GLRX: variants seen among roughly 807,000 people sequenced by gnomAD.
The protein encoded by GLRX is glutaredoxin-1.
A neutral mutation model predicts 11.1 loss-of-function variants in GLRX; 9 were observed. The observed-to-expected ratio is 0.81, with a 90% CI of 0.49 to 1.42. GLRX has a LOEUF of 1.42. Among genes scored for constraint, GLRX ranks in the 40% most tolerant of loss-of-function variants. The pLI is 0.00. For synonymous variants in GLRX, 49 were observed against 49.5 expected (o/e 0.99, Z 0.04); for missense variants, 102 against 126.2 (o/e 0.81, Z 0.92).
chr5:95,821,695 G>C (rs1055466061), intron 1 of GLRX, among the ~76,000 whole-genome samples: 1 of 152,214 alleles, frequency 6.6e-6, no homozygotes, highest in African/African-American at 2.4e-5. Context: ...AGGACGCAAA[G>C]CCAAGGATGC....
chr5:95,816,937 G>C (rs147714981), intron 1 of GLRX: 2 of 227,070 alleles, frequency 8.8e-6, no homozygotes, highest in African/African-American at 4.6e-5. Flanking sequence ...GCTGCAGTCA[G>C]ACCACCTAGA....
intron 1 of GLRX, chr5:95,822,130 G>T: frequency 3.0e-6 from 1 of 336,336 alleles, no homozygotes; most frequent in Non-Finnish European, 5.5e-6. Context: ...ACTGAAAACT[G>T]TCATTTCCTG....
chr5:95,820,806 A>C (rs1177379314), intron 1 of GLRX, among the ~76,000 whole-genome samples: 1 of 151,926 alleles, frequency 6.6e-6, no homozygotes, highest in African/African-American at 2.4e-5. Flanking sequence ...GCACATTGGA[A>C]TCCCCAAGGG....
At position 95,822,532 on chromosome 5, in the gene GLRX, T is replaced by A; in HGVS notation, c.131A>T (p.Glu44Val). 1.9e-6 allele frequency: 3 copies of A among 1,613,886 alleles called. No individual in the cohort carries two copies. The highest frequency in any genetic ancestry group is 2.5e-6 in the Non-Finnish European group (3 of 1,179,808). The change falls in exon 1 of 3, where the codon GAA becomes GTA. Residue 44 changes from glutamate (E) to valine (V), a missense_variant. Glu to Val is a moderately radical substitution (Grantham distance 121). Transcript: ENST00000237858. ...GTTGGTGGCTGTGATATCGACAAATTCCAGAAGCCCTTGTTTGATGGGCAA... is the reference window on the plus strand; with the variant it reads ...GTTGGTGGCTGTGATATCGACAAATACCAGAAGCCCTTGTTTGATGGGCAA... ...SQLPIKQGLL[E>V]FVDITATNHT...
At chr5:95,817,156 G>A (rs1023781748) in intron 1 of GLRX, 1 of 153,582 alleles carries the variant, frequency 6.5e-6, no homozygotes, top group African/African-American at 2.4e-5. Context: ...GCTCATGAAT[G>A]TAATCCTACT....
At chr5:95,816,648 G>T (rs1428152575) in intron 1 of GLRX, 22 bp from the exon 2 acceptor site, 1 of 1,104,324 alleles carries the variant, frequency 9.1e-7, no homozygotes, top group Admixed American at 1.7e-5. Flanking sequence ...CACGACCCAG[G>T]ACATTACTAC....
At chr5:95,814,624 T>C (rs1011328744) in intron 2 of GLRX, 2 of 152,410 alleles carry the variant, frequency 1.3e-5, no homozygotes, top group African/African-American at 4.8e-5. Context: ...TGGATAAACA[T>C]AGTTGAAAAA....
At position 95,816,552 on chromosome 5, in the gene GLRX, T is replaced by C. The variant is rs758596239; in HGVS notation, c.282A>G (p.Glu94=). 3.1e-5 allele frequency: 50 copies of C among 1,609,848 alleles called. No individual in the cohort carries two copies. The highest frequency in any genetic ancestry group is 4.2e-5 in the Non-Finnish European group (49 of 1,176,138). The change falls in exon 2 of 3, where the codon GAA becomes GAG. Residue 94 remains glutamate, a synonymous_variant. Coordinates refer to ENST00000237858, the MANE Select transcript of GLRX (RefSeq NM_001118890.2). ...SDLVSLQQSG[E]LLTRLKQIGA... Reference sequence around the variant, plus strand: ...CAATCTGCTTTAGCCGCGTCAGCAGTTCCCCACTCTGTTGCAAAGAGACTA... The same window carrying C: ...CAATCTGCTTTAGCCGCGTCAGCAGCTCCCCACTCTGTTGCAAAGAGACTA...
chr5:95,821,597 G>T (rs1044616470), intron 1 of GLRX, among the ~76,000 whole-genome samples: 1 of 152,210 alleles, frequency 6.6e-6, no homozygotes, highest in Non-Finnish European at 1.5e-5. Flanking sequence ...TCGTAAAAGA[G>T]AACTTAGCTG....
chr5:95,814,472 A>G (rs1746909183), intron 2 of GLRX, 83 bp from the exon 3 acceptor site: 2 of 152,652 alleles, frequency 1.3e-5, no homozygotes, highest in South Asian at 4.1e-4. Flanking sequence ...GAGTGGAGAG[A>G]TGCATGTAGT....
At chr5:95,819,782 C>T (rs1747146850) in intron 1 of GLRX, among the ~76,000 whole-genome samples, 1 of 151,478 alleles carries the variant, frequency 6.6e-6, no homozygotes, top group African/African-American at 2.4e-5. Context: ...GCCTGTAGTC[C>T]CAGCTACTCG....
At chr5:95,822,348 T>A in intron 1 of GLRX, 108 bp downstream of exon 1, 327 of 573,594 alleles carry the variant, frequency 5.7e-4, no homozygotes, top group East Asian at 1.1e-3. Context: ...CACAGCCCTC[T>A]GGACGCCTTG....
rs1477844164 is a variant in GLRX, at chr5:95,820,087, C to A, written c.207+2369G>T. ...GAAAAACAGGCTTGTTGAGGTGGAT[C>A]ACATCTGTAATCCCAGCACTCTGGG... On this transcript the variant is annotated intron_variant, in intron 1 of 2. Coordinates refer to ENST00000237858, the MANE Select transcript of GLRX (RefSeq NM_001118890.2). Among the ~76,000 whole-genome samples the A allele has an allele frequency of 2.0e-5, 3 of 151,918 alleles. No homozygotes were observed. The East Asian group carries it at 5.8e-4, about 29-fold the overall frequency.
intron 1 of GLRX, chr5:95,818,335 G>C (rs2112866184): frequency 6.6e-6 from 1 of 152,424 alleles, no homozygotes; most frequent in Middle Eastern, 3.4e-3. Context: ...AAGAAGTACT[G>C]TTGATAAAGT....
chr5:95,822,291 T>C (rs1217703278), intron 1 of GLRX, 165 bp downstream of exon 1: 19 of 618,176 alleles, frequency 3.1e-5, no homozygotes, highest in Non-Finnish European at 5.2e-5. Flanking sequence ...CTCATTCAAG[T>C]GACCGAGATC....
At chr5:95,815,784 G>C (rs1746970053) in intron 2 of GLRX, among the ~76,000 whole-genome samples, 2 of 152,208 alleles carry the variant, frequency 1.3e-5, no homozygotes, top group South Asian at 4.1e-4. Flanking sequence ...TTGGCTTTTG[G>C]GAAGCCAATT....
At chr5:95,821,283 C>T (rs144782636) in intron 1 of GLRX, among the ~76,000 whole-genome samples, 108 of 152,226 alleles carry the variant, frequency 7.1e-4, no homozygotes, top group Middle Eastern at 3.4e-3. Flanking sequence ...CAGTGGGGCC[C>T]GTAGTAGTGT....
intron 1 of GLRX, among the ~76,000 whole-genome samples, chr5:95,820,525 A>C (rs914801282): frequency 1.2e-4 from 18 of 151,694 alleles, no homozygotes; most frequent in African/African-American, 4.4e-4. Flanking sequence ...GTTGGCCAGC[A>C]TGGTGAAACC....
At chr5:95,817,438 C>G (rs2112864988) in intron 1 of GLRX, 1 of 152,432 alleles carries the variant, frequency 6.6e-6, no homozygotes, top group Admixed American at 6.5e-5. Flanking sequence ...CACAAGTGAG[C>G]TCTGTCCTCA....
Sources: gnomAD v4.1 joint callset for allele counts (sites outside exome capture counted in the v4.1 genomes callset) on GRCh38, gnomAD v4.1.1 for gene constraint, MANE v1.5 for transcripts, NCBI Gene and HGNC (gene_info 2026-07-23, HGNC 2026-07-21) for gene names.